Variants in DCTN3 observed in about 807,000 individuals in gnomAD.
The protein encoded by DCTN3 is dynactin 3 (p22).
In DCTN3, 25 loss-of-function variants were observed where a neutral mutation model predicts 28.4. That is an observed-to-expected ratio of 0.88 (90% CI 0.64 to 1.23). The LOEUF is 1.23. DCTN3 is among the 50% of genes most tolerant of loss of function. DCTN3 has a pLI of 0.00. For synonymous variants in DCTN3, 81 were observed against 91.4 expected (o/e 0.89, Z 0.65); for missense variants, 229 against 232.0 (o/e 0.99, Z 0.08).
In DCTN3 at chr9:34,616,278, C is replaced by T. The variant is rs1183920711; in HGVS notation, c.269-165G>A. 2 of 581,458 alleles carry T rather than the reference C, an allele frequency of 3.4e-6. No individual in the cohort carries two copies. Among genetic ancestry groups the T allele is most frequent in the Non-Finnish European group, 6.2e-6 (2 of 321,416 alleles). 36.0% of individuals were successfully genotyped at this position (581,458 alleles called of 1,614,324 possible). A position where few individuals can be genotyped will look rare whatever the true frequency, so the allele number is the denominator to read the frequency against. On this transcript the variant is annotated intron_variant, in intron 3 of 6. Coordinates refer to ENST00000259632, the MANE Select transcript of DCTN3 (RefSeq NM_007234.5). The surrounding 1 kb of genome is among the most constrained non-coding windows in gnomAD (Gnocchi z 4.7). ...TCTCTAGGTGCACATTTCCATCCTG[C>T]CCCCAACTCTCCTGGATGCCTCAGG... is the stretch of plus-strand genomic sequence containing the variant.
intron 2 of DCTN3, 138 bp from the exon 3 acceptor site, chr9:34,618,109 G>C (rs1340557075): frequency 4.2e-6 from 3 of 714,082 alleles, no homozygotes; most frequent in Non-Finnish European, 6.8e-6. Flanking sequence ...CATGAGCAGG[G>C]CTCCACCAGG....
intron 4 of DCTN3, chr9:34,615,789 GC>G: frequency 2.8e-6 from 1 of 361,612 alleles, no homozygotes; most frequent in Admixed American, 4.5e-5. Flanking sequence ...TGTAATCCTA[GC>G]TACTTGGGAG....
chr9:34,619,995 C>T (rs1820515779), intron 1 of DCTN3, among the ~76,000 whole-genome samples: 1 of 152,202 alleles, frequency 6.6e-6, no homozygotes, highest in African/African-American at 2.4e-5. Context: ...TGGACCTCTT[C>T]CTGCACAATT....
chr9:34,617,491 C>T (rs1820448930), intron 3 of DCTN3: 1 of 485,542 alleles, frequency 2.1e-6, no homozygotes. Flanking sequence ...AGCTTTCTCA[C>T]ATGAAAGAAA....
At chr9:34,613,894 A>C in intron 6 of DCTN3, 23 bp from the exon 7 acceptor site, 1 of 1,614,080 alleles carries the variant, frequency 6.2e-7, no homozygotes, top group Non-Finnish European at 8.5e-7. Context: ...CAAGGTGAGA[A>C]TAGGAATCTG....
intron 1 of DCTN3, among the ~76,000 whole-genome samples, chr9:34,619,424 G>A (rs541149088): frequency 9.8e-5 from 15 of 152,320 alleles, no homozygotes; most frequent in South Asian, 4.1e-4. Flanking sequence ...GGAAGCGAGT[G>A]AGCCTACCTA....
intron 3 of DCTN3, among the ~76,000 whole-genome samples, chr9:34,617,121 A>C (rs1336470024): frequency 1.3e-5 from 2 of 152,186 alleles, no homozygotes; most frequent in Non-Finnish European, 2.9e-5. Flanking sequence ...ATTGACCAAG[A>C]GCCCTTTGGG....
intron 1 of DCTN3, 99 bp downstream of exon 1, chr9:34,620,269 GC>G: frequency 9.7e-7 from 1 of 1,027,960 alleles, no homozygotes. Flanking sequence ...CAAAGGCCGG[GC>G]TGCGGAGAAC....
At chr9:34,618,861 C>A in intron 1 of DCTN3, 101 bp from the exon 2 acceptor site, 1 of 923,236 alleles carries the variant, frequency 1.1e-6, no homozygotes, top group Non-Finnish European at 1.8e-6. Flanking sequence ...ACCTGAATCC[C>A]AGTAATCTAG....
intron 4 of DCTN3, 131 bp downstream of exon 4, chr9:34,615,899 C>CA (rs35159161): frequency 0.45 from 202,188 of 448,700 alleles, 24,165 homozygotes; most frequent in East Asian, 0.54. Flanking sequence ...CGACTCTGTC[C>CA]AAAAAAAAAA....
chr9:34,619,551 G>A (rs562850397), intron 1 of DCTN3, among the ~76,000 whole-genome samples: 1 of 152,290 alleles, frequency 6.6e-6, no homozygotes, highest in African/African-American at 2.4e-5. Context: ...ATGCCAGGGG[G>A]GAGGCAAATA....
rs1299103112 is a variant in DCTN3, at chr9:34,617,920, A to G, written c.233T>C (p.Ile78Thr). ...GAATTGCAGCTTAGAGGCATCAGGT[A>G]TGGCAATGCGGTCGATGTACTCAGG... ...LDPEYIDRIAIPDASKLQFIL... is the reference protein window; with the variant it reads ...LDPEYIDRIATPDASKLQFIL... Residue 78 changes from isoleucine (I) to threonine (T), a missense_variant, in exon 3 of 7, where the codon ATA (isoleucine) becomes ACA (threonine). Coordinates refer to ENST00000259632, the MANE Select transcript of DCTN3 (RefSeq NM_007234.5). The G allele has an allele frequency of 6.2e-7, 1 of 1,614,014 alleles. No homozygotes were observed. Among genetic ancestry groups the G allele is most frequent in the South Asian group, 1.1e-5 (1 of 91,080 alleles).
At chr9:34,614,839 G>T (rs1820387584) in intron 4 of DCTN3, 71 bp from the exon 5 acceptor site, 2 of 1,570,720 alleles carry the variant, frequency 1.3e-6, no homozygotes. Context: ...AGTCTATTAG[G>T]TCTTTGGCAG....
At chr9:34,620,293 G>A (rs866699897) in intron 1 of DCTN3, 76 bp downstream of exon 1, 6 of 1,308,252 alleles carry the variant, frequency 4.6e-6, no homozygotes, top group Middle Eastern at 3.7e-4. Context: ...GACTGGAGCG[G>A]TTGCATCCCG....
Position 34,613,690 on chromosome 9 carries a change from T to A in DCTN3, c.*92A>T. On this transcript the variant is annotated 3_prime_UTR_variant, in exon 7 of 7. Transcript: ENST00000259632. ...AGAGGTGGGCCTTGAAGCCAATAAATACAAAGCTTCCTCTGCCTTGTAACA... is the reference window on the plus strand; with the variant it reads ...AGAGGTGGGCCTTGAAGCCAATAAAAACAAAGCTTCCTCTGCCTTGTAACA... 6.5e-7 allele frequency: 1 copy of A among 1,548,808 alleles called. No homozygotes were observed. The highest frequency in any genetic ancestry group is 8.8e-7 in the Non-Finnish European group (1 of 1,141,968).
At chr9:34,614,515 G>C in intron 5 of DCTN3, 195 bp downstream of exon 5, 2 of 659,286 alleles carry the variant, frequency 3.0e-6, no homozygotes, top group Non-Finnish European at 5.1e-6. Flanking sequence ...TCCTGCTCTG[G>C]AAGCAGAAAG....
At chr9:34,617,802 C>T in intron 3 of DCTN3, 83 bp downstream of exon 3, 1 of 1,582,490 alleles carries the variant, frequency 6.3e-7, no homozygotes, top group Admixed American at 1.8e-5. Context: ...CACCAGAAGA[C>T]TGGATGGAGA....
rs1380617484 is a variant in DCTN3, at chr9:34,615,946, C to A, written c.352+84G>T. 7 of 1,123,566 alleles carry A rather than the reference C, an allele frequency of 6.2e-6. No individual in the cohort carries two copies. The East Asian group carries it at 1.2e-4, about 20-fold the overall frequency. The allele number at this position is 1,123,566 out of a possible 1,614,324, so 69.6% of individuals were successfully genotyped here. ...GGAACAGACCCAACCCGAATCCACA[C>A]AACCTGAAACACAGGAAAGTCTTGC... On this transcript the variant is annotated intron_variant, in intron 4 of 6. Coordinates refer to ENST00000259632, the MANE Select transcript of DCTN3 (RefSeq NM_007234.5).
At chr9:34,617,003 T>C (rs1820437887) in intron 3 of DCTN3, among the ~76,000 whole-genome samples, 1 of 152,200 alleles carries the variant, frequency 6.6e-6, no homozygotes, top group Admixed American at 6.5e-5. Flanking sequence ...ACCATTCATA[T>C]GCAAGTGGAT....
Sources: gnomAD v4.1 joint callset for allele counts (sites outside exome capture counted in the v4.1 genomes callset) on GRCh38, gnomAD v4.1.1 for gene constraint, Gnocchi (gnomAD v3.1) non-coding constraint, MANE v1.5 for transcripts, NCBI Gene and HGNC (gene_info 2026-07-23, HGNC 2026-07-21) for gene names.